The following DET1 variants were observed in gnomAD, a reference collection of about 807,000 sequenced individuals.
DET1 encodes the protein DET1 partner of COP1 E3 ubiquitin ligase.
DET1 carries 22 observed loss-of-function variants against 43.7 expected under a neutral mutation model. That is an observed-to-expected ratio of 0.50 (90% CI 0.36 to 0.72). The LOEUF (loss-of-function observed/expected upper bound fraction) is 0.72, where lower values mean the gene tolerates loss of function less well. DET1 is among the 30% of genes least tolerant of loss of function. DET1 has a pLI of 0.00. For missense variants in DET1, 713 were observed against 713.3 expected, an observed-to-expected ratio of 1.00 and a Z score of 0.00; for synonymous variants, 315 against 266.2, an observed-to-expected ratio of 1.18 and a Z score of -1.79.
chr15:88,515,534 G>C (rs1170745467), intron 4 of DET1, among the ~76,000 whole-genome samples: 1 of 28,068 alleles, frequency 3.6e-5, no homozygotes, highest in Non-Finnish European at 7.9e-5. Context: ...CAGAGACTCC[G>C]TCTTATAAAA....
intron 2 of DET1, 139 bp from the exon 3 acceptor site, chr15:88,527,925 A>AAC: frequency 3.5e-6 from 2 of 573,772 alleles, no homozygotes; most frequent in Non-Finnish European, 2.8e-6. Context: ...AACAACAAGC[A>AAC]AACACCTCGG....
At chr15:88,535,193 A>C (rs2056916084) in intron 1 of DET1, among the ~76,000 whole-genome samples, 1 of 152,206 alleles carries the variant, frequency 6.6e-6, no homozygotes, top group Non-Finnish European at 1.5e-5. Flanking sequence ...GACTCTAGTA[A>C]AATATCTTTT....
In DET1 at chr15:88,512,973, T is replaced by C; in HGVS notation, c.1631A>G (p.His544Arg). The C allele has an allele frequency of 1.9e-6, 3 of 1,614,028 alleles. No individual in the cohort carries two copies. The highest frequency in any genetic ancestry group is 1.1e-5 in the South Asian group (1 of 91,086). The change falls in exon 5 of 5, where the codon CAT (histidine) becomes CGT (arginine). Residue 544 changes from histidine to arginine, a missense_variant. By Grantham distance (29) the His-to-Arg change is conservative. Transcript: ENST00000268148. ...CACCTACGTGCAGCAGTGTCGCATATGGAAGTTGACAACATACTCAGCATT... is the reference window on the plus strand; with the variant it reads ...CACCTACGTGCAGCAGTGTCGCATACGGAAGTTGACAACATACTCAGCATT... ...RTNAEYVVNF[H>R]MRHCCT
At chr15:88,539,015 G>T (rs970239986) in intron 1 of DET1, among the ~76,000 whole-genome samples, 1 of 152,010 alleles carries the variant, frequency 6.6e-6, no homozygotes, top group Non-Finnish European at 1.5e-5. Context: ...GGTGGGAAGT[G>T]GTCCTGATCA....
At chr15:88,521,190 G>A (rs896709067) in intron 3 of DET1, among the ~76,000 whole-genome samples, 1 of 152,160 alleles carries the variant, frequency 6.6e-6, no homozygotes, top group African/African-American at 2.4e-5. Context: ...AAATGCATCA[G>A]ATCTACCTCA....
chr15:88,534,107 G>A (rs918024603), intron 1 of DET1, among the ~76,000 whole-genome samples: 22 of 152,006 alleles, frequency 1.4e-4, no homozygotes, highest in African/African-American at 5.3e-4. Flanking sequence ...GTAAATGTTA[G>A]GCTATTTTAA....
intron 2 of DET1, among the ~76,000 whole-genome samples, chr15:88,528,467 G>T (rs1474264797): frequency 1.3e-5 from 2 of 152,198 alleles, no homozygotes; most frequent in Admixed American, 1.3e-4. Context: ...TGTTCTTTCA[G>T]CCAAGAGCAT....
chr15:88,533,791 G>A (rs1298235201), intron 1 of DET1, among the ~76,000 whole-genome samples: 1 of 139,740 alleles, frequency 7.2e-6, no homozygotes, highest in Non-Finnish European at 1.5e-5. Context: ...GGAGGCTGAG[G>A]TGGACCACTT....
At position 88,516,896 on chromosome 15, in the gene DET1, A is replaced by G; in HGVS notation, c.1349T>C (p.Ile450Thr). Residue 450 changes from isoleucine (I) to threonine (T), a missense_variant, in exon 4 of 5, where the codon ATC becomes ACC. Transcript: ENST00000268148. This position sits in a 1 kb window ranked among gnomAD's most constrained non-coding sequence, Gnocchi z 4.4. ...AVRRLLGQLP[I>T]SAQSYSGSPY... ...GCTACCGCTGTAAGACTGAGCACTGATGGGGAGCTGACCCAGCAGCCGGCG... is the reference window on the plus strand; with the variant it reads ...GCTACCGCTGTAAGACTGAGCACTGGTGGGGAGCTGACCCAGCAGCCGGCG... 1 of 1,611,132 alleles carries G rather than the reference A, an allele frequency of 6.2e-7. No homozygotes were observed. The highest frequency in any genetic ancestry group is 8.5e-7 in the Non-Finnish European group (1 of 1,178,664).
rs1472751323 is a variant in DET1, at chr15:88,516,023, A to G, written c.1463+759T>C. ...ATTAATTATACAGACTATGTCACAC[A>G]GGCACATTTAATACACAATGAGACT... is the stretch of plus-strand genomic sequence containing the variant. On this transcript the variant is annotated intron_variant, in intron 4 of 4. Transcript: ENST00000268148. This position sits in a 1 kb window ranked among gnomAD's most constrained non-coding sequence, Gnocchi z 4.4. Among the ~76,000 whole-genome samples, 1 of 152,258 alleles carries G rather than the reference A, an allele frequency of 6.6e-6. No homozygotes were observed. Among genetic ancestry groups the G allele is most frequent in the Admixed American group, 6.5e-5 (1 of 15,288 alleles).
rs1192917284 is a variant in DET1, at chr15:88,513,077, G to A, written c.1527C>T (p.Pro509=). 4 of 1,613,924 alleles carry A rather than the reference G, an allele frequency of 2.5e-6. No homozygotes were observed. Among genetic ancestry groups the A allele is most frequent in the South Asian group, 1.1e-5 (1 of 91,080 alleles). ...CAAGGCGTCGCACTGTGTGGTTGATGGGGCGGCCCAATAACCCCGCCTGGA... is the reference window on the plus strand; with the variant it reads ...CAAGGCGTCGCACTGTGTGGTTGATAGGGCGGCCCAATAACCCCGCCTGGA... ...FEIQAGLLGR[P]INHTVRRLVA... Residue 509 remains proline (P), a synonymous_variant, in exon 5 of 5, where the codon CCC becomes CCT. Coordinates refer to ENST00000268148, the MANE Select transcript of DET1 (RefSeq NM_001144074.3).
rs144319638 is a variant in DET1 at position 88,516,590 on chromosome 15, G to A, written c.1463+192C>T. Among the ~76,000 whole-genome samples the A allele has an allele frequency of 3.3e-5, 5 of 152,316 alleles. No individual in the cohort carries two copies. The highest frequency in any genetic ancestry group is 5.9e-5 in the Non-Finnish European group (4 of 68,030). On this transcript the variant is annotated intron_variant, in intron 4 of 4. Transcript: ENST00000268148. This position sits in a 1 kb window ranked among gnomAD's most constrained non-coding sequence, Gnocchi z 4.4. ...TAGATGTTCTGATGAGAAGCAAAGA[G>A]TAGGAATAATTTAGGAGACTAGCAC...
chr15:88,522,883 CTTCT>C (rs2060153010), intron 3 of DET1, among the ~76,000 whole-genome samples: 2 of 133,574 alleles, frequency 1.5e-5, no homozygotes, highest in African/African-American at 6.7e-5. Context: ...TTTTTTTCTT[CTTCT>C]TTTTTTTTTT....
intron 3 of DET1, among the ~76,000 whole-genome samples, chr15:88,526,491 G>A (rs1054620778): frequency 6.6e-6 from 1 of 151,654 alleles, no homozygotes; most frequent in Non-Finnish European, 1.5e-5. Context: ...CTGACTGTGG[G>A]GTATATATTT....
intron 3 of DET1, among the ~76,000 whole-genome samples, chr15:88,524,748 C>T (rs1249236116): frequency 6.6e-6 from 1 of 152,130 alleles, no homozygotes; most frequent in Non-Finnish European, 1.5e-5. Flanking sequence ...TGCTTGAAGG[C>T]AGCATGCTCC....
At chr15:88,544,178 G>T (rs542858600) in intron 1 of DET1, among the ~76,000 whole-genome samples, 44 of 152,278 alleles carry the variant, frequency 2.9e-4, no homozygotes, top group Non-Finnish European at 5.1e-4. Context: ...TCAGTTAGGC[G>T]TTAAACATTC....
intron 1 of DET1, among the ~76,000 whole-genome samples, chr15:88,545,808 C>A (rs2057237963): frequency 6.6e-6 from 1 of 151,608 alleles, no homozygotes; most frequent in Non-Finnish European, 1.5e-5. Context: ...TTGGCTCTTT[C>A]ACTGGCAGCC....
intron 1 of DET1, among the ~76,000 whole-genome samples, chr15:88,545,960 A>C (rs187192774): frequency 0.018 from 2,701 of 151,166 alleles, 34 homozygotes; most frequent in Non-Finnish European, 0.028. Flanking sequence ...CACGTCTATC[A>C]CCTTGTAATA....
chr15:88,516,854 G>A lies in DET1; in HGVS notation c.1391C>T (p.Ser464Phe). ...CCACTTGTCATCATAACTGAAGAGA[G>A]ACAAATCCAGATAGGGGCTACCGCT... ...SYSGSPYLDL[S>F]LFSYDDKWVS... Residue 464 changes from serine (S) to phenylalanine (F), a missense_variant, in exon 4 of 5, where the codon TCT (serine) becomes TTT (phenylalanine). Coordinates refer to ENST00000268148, the MANE Select transcript of DET1 (RefSeq NM_001144074.3). This position sits in a 1 kb window ranked among gnomAD's most constrained non-coding sequence, Gnocchi z 4.4. 1 of 1,610,840 alleles carries A rather than the reference G, an allele frequency of 6.2e-7. No homozygotes were observed. Among genetic ancestry groups the A allele is most frequent in the Non-Finnish European group, 8.5e-7 (1 of 1,178,698 alleles).
Sources: gnomAD v4.1 joint callset for allele counts (sites outside exome capture counted in the v4.1 genomes callset) on GRCh38, gnomAD v4.1.1 for gene constraint, Gnocchi (gnomAD v3.1) non-coding constraint, MANE v1.5 for transcripts, NCBI Gene and HGNC (gene_info 2026-07-23, HGNC 2026-07-21) for gene names.